Variants in ZBTB20 observed in about 807,000 individuals in gnomAD.
The protein encoded by ZBTB20 is zinc finger and BTB domain-containing protein 20.
ZBTB20 carries 9 observed loss-of-function variants against 56.9 expected under a neutral mutation model. The observed-to-expected ratio is 0.16, with a 90% CI of 0.10 to 0.28. The LOEUF (loss-of-function observed/expected upper bound fraction) is 0.28. Among genes scored for constraint, ZBTB20 ranks in the 10% least tolerant of loss-of-function variants. The probability of loss-of-function intolerance (pLI) is 1.00; values close to 1 mark genes in which losing one functional copy is unlikely to be tolerated. For synonymous variants in ZBTB20, 417 were observed against 420.7 expected, an observed-to-expected ratio of 0.99 and a Z score of 0.11; for missense variants, 655 against 1,003.0, an observed-to-expected ratio of 0.65 and a Z score of 4.69.
rs2079050315 is a variant in ZBTB20 at position 114,325,945 on chromosome 3, C to G, written c.*13060G>C. ...GGGGTATAGATGGGTGAAGTACTGGCAATGCAGTGCCAATCTCCCTCTGTT... is the reference window on the plus strand; with the variant it reads ...GGGGTATAGATGGGTGAAGTACTGGGAATGCAGTGCCAATCTCCCTCTGTT... On this transcript the variant is annotated 3_prime_UTR_variant, in exon 12 of 12. Transcript: ENST00000675478. 6.6e-6 allele frequency: 1 copy of G among 151,866 alleles called. No individual in the cohort carries two copies. Among genetic ancestry groups the G allele is most frequent in the South Asian group, 2.1e-4 (1 of 4,820 alleles). The allele number at this position is 151,866 out of a possible 1,614,324, so 9.4% of individuals were successfully genotyped here.
At chr3:115,011,625 C>T (rs1217626219) in intron 2 of ZBTB20, among the ~76,000 whole-genome samples, 2 of 151,782 alleles carry the variant, frequency 1.3e-5, no homozygotes, top group African/African-American at 4.8e-5. Flanking sequence ...GGGATTTCAT[C>T]AACACCAGAC....
Position 115,071,624 on chromosome 3 carries a change from G to A in ZBTB20, c.-702-210C>T, listed in dbSNP as rs544011137. On this transcript the variant is annotated intron_variant, in intron 1 of 11. Coordinates refer to ENST00000675478, the MANE Select transcript of ZBTB20 (RefSeq NM_001348800.3). Reference sequence around the variant, plus strand: ...GGTTAGGAAGTTAAGAAAACAATAGGATAGACGTCAGTGAAGTTCAAGTGC... The same window carrying A: ...GGTTAGGAAGTTAAGAAAACAATAGAATAGACGTCAGTGAAGTTCAAGTGC... Among the ~76,000 whole-genome samples the A allele has an allele frequency of 1.2e-4, 19 of 152,244 alleles. No individual in the cohort carries two copies. In the East Asian group the frequency reaches 3.5e-3, roughly 28 times the overall value.
intron 5 of ZBTB20, among the ~76,000 whole-genome samples, chr3:114,724,249 G>A (rs1305104115): frequency 6.6e-6 from 1 of 152,062 alleles, no homozygotes; most frequent in East Asian, 1.9e-4. Flanking sequence ...ACTGTTGATG[G>A]GGCTTCCATT....
chr3:114,584,511 T>C (rs1197847102), intron 6 of ZBTB20, among the ~76,000 whole-genome samples: 1 of 151,218 alleles, frequency 6.6e-6, no homozygotes, highest in Non-Finnish European at 1.5e-5. Flanking sequence ...CCAGGGACAA[T>C]ATCCCTAACT....
chr3:114,682,270 C>T (rs903285218), intron 6 of ZBTB20, among the ~76,000 whole-genome samples: 3 of 152,020 alleles, frequency 2.0e-5, no homozygotes, highest in South Asian at 2.1e-4. Flanking sequence ...AAGGTATATC[C>T]CCAAAGTTTG....
chr3:114,684,444 A>C (rs1463776715), intron 6 of ZBTB20: 1 of 152,220 alleles, frequency 6.6e-6, no homozygotes, highest in Non-Finnish European at 1.5e-5. Flanking sequence ...AAATTGGGAC[A>C]GGTTAAGAGT....
chr3:114,807,210 A>G (rs1221959012), intron 4 of ZBTB20, among the ~76,000 whole-genome samples: 1 of 151,990 alleles, frequency 6.6e-6, no homozygotes, highest in Non-Finnish European at 1.5e-5. Flanking sequence ...AATATAATTG[A>G]TTTCTGTACA....
At chr3:114,570,063 G>GGTATTTCTCAACATGTATTTTGAGGTCA (rs139121853) in intron 6 of ZBTB20, among the ~76,000 whole-genome samples, 13,973 of 151,666 alleles carry the variant, frequency 0.092, 756 homozygotes, top group African/African-American at 0.14. Flanking sequence ...TAGTATAAAG[G>GGTATTTCTCAACATGTATTTTGAGGTCA]GTATTTCTCA....
intron 6 of ZBTB20, among the ~76,000 whole-genome samples, chr3:114,549,788 G>C (rs1452521803): frequency 6.8e-6 from 1 of 147,564 alleles, no homozygotes; most frequent in Non-Finnish European, 1.5e-5. Context: ...TGTTAATAGA[G>C]TTTTGGTGAC....
chr3:115,126,349 A>G (rs536064105), intron 1 of ZBTB20, among the ~76,000 whole-genome samples: 3 of 152,206 alleles, frequency 2.0e-5, no homozygotes, highest in South Asian at 4.1e-4. Flanking sequence ...AGCGATTCCA[A>G]TCTCAGAATA....
At chr3:114,787,368 T>C (rs61095801) in intron 5 of ZBTB20, among the ~76,000 whole-genome samples, 64,259 of 105,550 alleles carry the variant, frequency 0.61, 18,615 homozygotes, top group East Asian at 0.96. Context: ...TATATATATA[T>C]ACACACACAC....
intron 7 of ZBTB20, among the ~76,000 whole-genome samples, chr3:114,394,840 T>A (rs935278782): frequency 6.6e-6 from 1 of 152,180 alleles, no homozygotes; most frequent in African/African-American, 2.4e-5. Flanking sequence ...TTACACAGAA[T>A]TCAAGGAGTT....
At chr3:114,527,547 T>G (rs2047370717) in intron 6 of ZBTB20, among the ~76,000 whole-genome samples, 1 of 152,208 alleles carries the variant, frequency 6.6e-6, no homozygotes, top group Non-Finnish European at 1.5e-5. Flanking sequence ...TCTAATGGTC[T>G]GTGCAATACT....
intron 5 of ZBTB20, among the ~76,000 whole-genome samples, chr3:114,780,735 C>T (rs1252541270): frequency 6.6e-6 from 1 of 152,218 alleles, no homozygotes; most frequent in Non-Finnish European, 1.5e-5. Context: ...ATCAGCCCAC[C>T]TTGGCCTCCC....
intron 4 of ZBTB20, among the ~76,000 whole-genome samples, chr3:114,822,140 G>C (rs1024365644): frequency 1.1e-4 from 16 of 152,034 alleles, no homozygotes; most frequent in African/African-American, 3.9e-4. Context: ...AGAGCATATT[G>C]CACATGCTAA....
intron 2 of ZBTB20, among the ~76,000 whole-genome samples, chr3:115,015,746 T>C (rs1204718530): frequency 1.3e-5 from 2 of 151,928 alleles, no homozygotes; most frequent in African/African-American, 4.8e-5. Flanking sequence ...TGATTCCATG[T>C]CTCTGTTATT....
At chr3:114,485,954 G>A (rs1325512805) in intron 7 of ZBTB20, among the ~76,000 whole-genome samples, 3 of 151,862 alleles carry the variant, frequency 2.0e-5, no homozygotes, top group Non-Finnish European at 4.4e-5. Flanking sequence ...TAACACATTA[G>A]GTACAAGCAT....
intron 6 of ZBTB20, among the ~76,000 whole-genome samples, chr3:114,565,883 C>T (rs188389604): frequency 6.6e-6 from 1 of 152,268 alleles, no homozygotes; most frequent in Non-Finnish European, 1.5e-5. Context: ...AAGGGAAACA[C>T]CTGCCCTCTC....
intron 2 of ZBTB20, among the ~76,000 whole-genome samples, chr3:114,991,744 T>C (rs2078820121): frequency 1.3e-5 from 2 of 152,114 alleles, no homozygotes; most frequent in Admixed American, 1.3e-4. Context: ...AGTCTAAGTC[T>C]CTTTGTAGGT....
Sources: gnomAD v4.1 joint callset for allele counts (sites outside exome capture counted in the v4.1 genomes callset) on GRCh38, gnomAD v4.1.1 for gene constraint, MANE v1.5 for transcripts, NCBI Gene and HGNC (gene_info 2026-07-23, HGNC 2026-07-21) for gene names.